The following RFT1 variants were observed in gnomAD, a reference collection of about 807,000 sequenced individuals.
RFT1 encodes the protein man(5)GlcNAc(2)-PP-dolichol translocation protein RFT1.
A neutral mutation model predicts 62.2 loss-of-function variants in RFT1; 43 were observed. That is an observed-to-expected ratio of 0.69 (90% CI 0.54 to 0.89). RFT1 has a LOEUF of 0.89. Among genes scored for constraint, RFT1 ranks in the 40% least tolerant of loss-of-function variants. The probability of loss-of-function intolerance (pLI) is 0.00; values close to 1 mark genes in which losing one functional copy is unlikely to be tolerated. For synonymous variants in RFT1, 262 were observed against 264.6 expected, an observed-to-expected ratio of 0.99 and a Z score of 0.10; for missense variants, 605 against 649.9, an observed-to-expected ratio of 0.93 and a Z score of 0.75.
downstream of RFT1, among the ~76,000 whole-genome samples, chr3:53,087,429 T>C (rs1406463941): frequency 6.6e-6 from 1 of 152,154 alleles, no homozygotes; most frequent in African/African-American, 2.4e-5. Context: ...CGTCCGGGCC[T>C]GCCCAGCCTC....
At chr3:53,107,359 G>A (rs551513702) in intron 7 of RFT1, among the ~76,000 whole-genome samples, 24 of 152,058 alleles carry the variant, frequency 1.6e-4, no homozygotes, top group Admixed American at 1.1e-3. Flanking sequence ...GGATGGTCTC[G>A]ATCTCCTGAC....
chr3:53,123,993 G>A (rs941776017), intron 2 of RFT1, among the ~76,000 whole-genome samples, 153 bp from the exon 3 acceptor site: 2 of 152,136 alleles, frequency 1.3e-5, no homozygotes, highest in South Asian at 4.1e-4. Flanking sequence ...ACCCCCTACC[G>A]GTCTGATCCA....
At chr3:53,106,500 T>C (rs986482903) in intron 8 of RFT1, among the ~76,000 whole-genome samples, 3 of 152,202 alleles carry the variant, frequency 2.0e-5, no homozygotes, top group African/African-American at 7.2e-5. Context: ...TGAAAGACTA[T>C]CTAGCCACAC....
At chr3:53,076,951 C>CAA in the RFT1 span, among the ~76,000 whole-genome samples, 35 of 90,350 alleles carry the variant, frequency 3.9e-4, no homozygotes, top group African/African-American at 1.2e-3. Flanking sequence ...GACCTCATCT[C>CAA]AAAAAAAAAA....
downstream of RFT1, among the ~76,000 whole-genome samples, chr3:53,086,607 C>T (rs959112195): frequency 2.6e-5 from 4 of 152,164 alleles, no homozygotes; most frequent in Non-Finnish European, 4.4e-5. Flanking sequence ...GGAGCCACCG[C>T]GCCCGGCTTT....
At chr3:53,075,809 C>T in the RFT1 span, among the ~76,000 whole-genome samples, 1 of 152,124 alleles carries the variant, frequency 6.6e-6, no homozygotes, top group Non-Finnish European at 1.5e-5. Flanking sequence ...AGAGCTCAGC[C>T]CCGAGATGGG....
chr3:53,074,350 A>G, the RFT1 span, among the ~76,000 whole-genome samples: 2 of 152,068 alleles, frequency 1.3e-5, no homozygotes, highest in Admixed American at 1.3e-4. Context: ...CACTCCATCT[A>G]TTCATGTATT....
chr3:53,119,332 G>T (rs943716509), intron 6 of RFT1, among the ~76,000 whole-genome samples: 1 of 152,224 alleles, frequency 6.6e-6, no homozygotes, highest in Non-Finnish European at 1.5e-5. Flanking sequence ...GAACACAATG[G>T]TGGAGCCTGT....
In RFT1 at chr3:53,091,498, C is replaced by A. The variant is rs886058722; in HGVS notation, c.*405G>T. 1 of 243,474 alleles carries A rather than the reference C, an allele frequency of 4.1e-6. No homozygotes were observed. The highest frequency in any genetic ancestry group is 8.3e-6 in the Non-Finnish European group (1 of 121,076). The allele number at this position is 243,474 out of a possible 1,614,324, so 15.1% of individuals were successfully genotyped here. ...TCTTTTACAGAAGAAGTTCAATATT[C>A]CTGTGAAGGGTAAAATCACTGCATC... On this transcript the variant is annotated 3_prime_UTR_variant, in exon 13 of 13. Coordinates refer to ENST00000296292, the MANE Select transcript of RFT1 (RefSeq NM_052859.4).
rs139552858 is a variant in RFT1, at chr3:53,110,304, T to C, written c.775+1526A>G. Among the ~76,000 whole-genome samples the C allele has an allele frequency of 6.9e-3, 1,054 of 152,332 alleles. 10 individuals are homozygous for C. Among genetic ancestry groups the C allele is most frequent in the African/African-American group, 0.023 (963 of 41,562 alleles). The stretch of plus-strand genomic sequence containing the variant: ...ATCATCATACACATTTCACAATAGT[T>C]ACGTTGTTGCTTTTCTTACCCCATT... On this transcript the variant is annotated intron_variant, in intron 7 of 12. Coordinates refer to ENST00000296292, the MANE Select transcript of RFT1 (RefSeq NM_052859.4).
chr3:53,078,684 G>A, the RFT1 span, among the ~76,000 whole-genome samples: 6 of 152,220 alleles, frequency 3.9e-5, no homozygotes, highest in Admixed American at 6.5e-5. Context: ...TGAGGCTGCA[G>A]TAAGCTATGA....
chr3:53,112,481 C>T (rs530337938), intron 6 of RFT1, among the ~76,000 whole-genome samples: 23 of 152,292 alleles, frequency 1.5e-4, no homozygotes, highest in Non-Finnish European at 3.2e-4. Flanking sequence ...GTTGCTCACG[C>T]CTATAATCAC....
At chr3:53,085,825 G>C (rs1387164356), downstream of RFT1, 1 of 152,216 alleles carries the variant, frequency 6.6e-6, no homozygotes, top group Non-Finnish European at 1.5e-5. Flanking sequence ...GACTGCGCTG[G>C]AACAAGGGCT....
rs1176869917 is a variant in RFT1 at position 53,090,058 on chromosome 3, C to CTCT, written c.*1844_*1845insAGA. On this transcript the variant is annotated 3_prime_UTR_variant, in exon 13 of 13. Coordinates refer to ENST00000296292, the MANE Select transcript of RFT1 (RefSeq NM_052859.4). ...GTGGCATCAAAGCCACGTGGGCTTG[C>CTCT]CAGAAAAGCCAATCTCAGAGCCCTC... The CTCT allele has an allele frequency of 2.0e-5, 3 of 152,716 alleles. No individual in the cohort carries two copies. The highest frequency in any genetic ancestry group is 4.4e-5 in the Non-Finnish European group (3 of 68,094). 9.5% of individuals were successfully genotyped at this position (152,716 alleles called of 1,614,324 possible). A position where few individuals can be genotyped will look rare whatever the true frequency, so the allele number is the denominator to read the frequency against.
rs777941484 is a variant in RFT1, at chr3:53,105,674, T to G, written c.956A>C (p.Gln319Pro). Reference protein sequence around the residue: ...ERGKDATLQKQEDVAVAAAVL... With the variant: ...ERGKDATLQKPEDVAVAAAVL... ...AGATGACATAAGAACCAACATTACC[T>G]GCTTCTGAAGTGTGGCATCCTTTCC... The change falls in exon 9 of 13, where the codon CAG becomes CCG. Residue 319 changes from glutamine to proline, a missense_variant and splice_region_variant. Coordinates refer to ENST00000296292, the MANE Select transcript of RFT1 (RefSeq NM_052859.4). 6.2e-7 allele frequency: 1 copy of G among 1,613,526 alleles called. No individual in the cohort carries two copies. The highest frequency in any genetic ancestry group is 8.5e-7 in the Non-Finnish European group (1 of 1,179,590).
At chr3:53,092,844 T>TAA (rs1244499638) in intron 11 of RFT1, among the ~76,000 whole-genome samples, 1 of 152,112 alleles carries the variant, frequency 6.6e-6, no homozygotes, top group Non-Finnish European at 1.5e-5. Flanking sequence ...TTGAAGACAA[T>TAA]AATTAGTTAG....
intron 10 of RFT1, among the ~76,000 whole-genome samples, chr3:53,101,167 C>A (rs1010075544): frequency 1.3e-5 from 2 of 152,194 alleles, no homozygotes; most frequent in Non-Finnish European, 2.9e-5. Context: ...CAACAAAAAA[C>A]CGTTTTCCAC....
chr3:53,117,239 C>T (rs1461086269), intron 6 of RFT1, among the ~76,000 whole-genome samples: 1 of 152,224 alleles, frequency 6.6e-6, no homozygotes, highest in African/African-American at 2.4e-5. Context: ...ACAAAACATG[C>T]AGTCAATGGC....
intron 5 of RFT1, 74 bp downstream of exon 5, chr3:53,121,625 G>C (rs879896841): frequency 5.1e-5 from 61 of 1,185,444 alleles, no homozygotes; most frequent in Non-Finnish European, 7.0e-5. Context: ...CAGACCACAC[G>C]GCGGTGGGAA....
Sources: gnomAD v4.1 joint callset for allele counts (sites outside exome capture counted in the v4.1 genomes callset) on GRCh38, gnomAD v4.1.1 for gene constraint, MANE v1.5 for transcripts, NCBI Gene and HGNC (gene_info 2026-07-23, HGNC 2026-07-21) for gene names.